Variants in SGO2 observed in about 807,000 individuals in gnomAD.
SGO2 encodes the protein shugoshin-like 2.
SGO2 carries 68 observed loss-of-function variants against 99.5 expected under a neutral mutation model. That is an observed-to-expected ratio of 0.68 (90% CI 0.56 to 0.84). SGO2 has a LOEUF of 0.84. SGO2 is among the 40% of genes least tolerant of loss of function. The pLI is 0.00. For missense variants in SGO2, 1,350 were observed against 1,436.7 expected (o/e 0.94, Z 0.97); for synonymous variants, 457 against 487.1 (o/e 0.94, Z 0.81).
intron 5 of SGO2, among the ~76,000 whole-genome samples, chr2:200,561,192 C>T (rs1165247825): frequency 2.0e-5 from 3 of 152,178 alleles, no homozygotes; most frequent in African/African-American, 7.2e-5. Context: ...TATCCCTCCC[C>T]TCTGCCCCCA....
intron 5 of SGO2, among the ~76,000 whole-genome samples, chr2:200,564,007 C>A (rs1039182852): frequency 6.6e-6 from 1 of 152,112 alleles, no homozygotes; most frequent in Non-Finnish European, 1.5e-5. Context: ...TTCAAAAAAA[C>A]CAGCTCCTGG....
At chr2:200,566,376 C>A (rs1200941403) in intron 5 of SGO2, among the ~76,000 whole-genome samples, 2 of 152,148 alleles carry the variant, frequency 1.3e-5, no homozygotes, top group African/African-American at 4.8e-5. Flanking sequence ...GTGGAGGCTG[C>A]AGAACAGCAA....
intron 4 of SGO2, among the ~76,000 whole-genome samples, chr2:200,541,782 G>A (rs2031974524): frequency 6.6e-6 from 1 of 152,166 alleles, no homozygotes; most frequent in African/African-American, 2.4e-5. Flanking sequence ...ATAGCCTGGT[G>A]AGTGTGGAAG....
intron 4 of SGO2, among the ~76,000 whole-genome samples, chr2:200,538,961 A>T (rs2106310786): frequency 6.6e-6 from 1 of 152,238 alleles, no homozygotes; most frequent in Admixed American, 6.5e-5. Flanking sequence ...TATGCATGGA[A>T]AAAAACATAA....
At chr2:200,550,827 G>GACA (rs1255216248) in intron 5 of SGO2, among the ~76,000 whole-genome samples, 2 of 152,080 alleles carry the variant, frequency 1.3e-5, no homozygotes, top group East Asian at 3.9e-4. Context: ...AGCAAAAATA[G>GACA]ACAACTAAGA....
intron 1 of SGO2, among the ~76,000 whole-genome samples, chr2:200,528,394 A>G (rs2031206948): frequency 6.6e-6 from 1 of 152,218 alleles, no homozygotes; most frequent in Admixed American, 6.5e-5. Flanking sequence ...AGTGGTAAGT[A>G]GCCCAGGTGG....
intron 7 of SGO2, among the ~76,000 whole-genome samples, chr2:200,574,808 A>G (rs985805427): frequency 1.4e-4 from 21 of 152,090 alleles, no homozygotes; most frequent in South Asian, 2.1e-4. Flanking sequence ...TTTTGCCATT[A>G]GAAATTTTGT....
rs866920942 is a variant in SGO2 at position 200,580,858 on chromosome 2, C to A, written c.3783-2591C>A. On this transcript the variant is annotated intron_variant, in intron 8 of 8. Coordinates refer to ENST00000357799, the MANE Select transcript of SGO2 (RefSeq NM_152524.6). ...TAAAAATAAGTAAATAGAACACACA[C>A]AAAAAAATTTTTTTTTAAAGTGTCT... is the stretch of plus-strand genomic sequence containing the variant. Among the ~76,000 whole-genome samples, 10 of 151,992 alleles carry A rather than the reference C, an allele frequency of 6.6e-5. No homozygotes were observed. The East Asian group carries it at 9.6e-4, about 15-fold the overall frequency.
chr2:200,556,515 G>T (rs1424944819), intron 5 of SGO2, among the ~76,000 whole-genome samples: 1 of 152,132 alleles, frequency 6.6e-6, no homozygotes, highest in Non-Finnish European at 1.5e-5. Flanking sequence ...ATCTCCAAAG[G>T]TAGCTCAGAG....
chr2:200,533,782 G>A (rs571747977), intron 2 of SGO2, among the ~76,000 whole-genome samples: 1 of 152,206 alleles, frequency 6.6e-6, no homozygotes, highest in East Asian at 1.9e-4. Context: ...CTCCTGCGAA[G>A]GACAATCACG....
intron 4 of SGO2, among the ~76,000 whole-genome samples, chr2:200,539,982 T>TC (rs1337741874): frequency 6.6e-6 from 1 of 152,190 alleles, no homozygotes; most frequent in African/African-American, 2.4e-5. Flanking sequence ...CCCCTTTTTT[T>TC]CTCGGTTTTG....
chr2:200,527,105 A>T (rs567589294), intron 1 of SGO2, among the ~76,000 whole-genome samples: 1 of 152,360 alleles, frequency 6.6e-6, no homozygotes, highest in South Asian at 2.1e-4. Context: ...ACCCTGGAAC[A>T]GTACCCCAAA....
intron 1 of SGO2, among the ~76,000 whole-genome samples, chr2:200,530,824 TC>T (rs902429946): frequency 7.2e-5 from 11 of 152,208 alleles, no homozygotes; most frequent in Non-Finnish European, 1.6e-4. Context: ...ACAGAAGTCA[TC>T]AGAGATCTTG....
chr2:200,562,396 G>C (rs983895337), intron 5 of SGO2, among the ~76,000 whole-genome samples: 1 of 152,138 alleles, frequency 6.6e-6, no homozygotes, highest in African/African-American at 2.4e-5. Context: ...TGAGGGTTCT[G>C]TTCTGTTCCA....
chr2:200,544,201 A>G (rs1408773765), intron 5 of SGO2, among the ~76,000 whole-genome samples: 1 of 152,158 alleles, frequency 6.6e-6, no homozygotes, highest in Non-Finnish European at 1.5e-5. Context: ...ATTTGTTCTC[A>G]TTGCTGTATA....
chr2:200,580,757 C>T (rs1417494723), intron 8 of SGO2, among the ~76,000 whole-genome samples: 1 of 152,078 alleles, frequency 6.6e-6, no homozygotes, highest in Admixed American at 6.5e-5. Context: ...ATAGTTTGGG[C>T]CTGGTAGGTC....
chr2:200,583,427 T>C, intron 8 of SGO2, 22 bp from the exon 9 acceptor site: 1 of 1,575,576 alleles, frequency 6.3e-7, no homozygotes, highest in Non-Finnish European at 8.6e-7. Context: ...GTTATTAATC[T>C]TCCTTTTTTT....
intron 8 of SGO2, 115 bp downstream of exon 8, chr2:200,575,576 A>G (rs3764778): frequency 0.24 from 166,252 of 700,664 alleles, 20,622 homozygotes; most frequent in East Asian, 0.29. Context: ...TATTATTGAT[A>G]TGTAACAACC....
In SGO2 at chr2:200,572,282, T is replaced by A. The variant is rs2033458373; in HGVS notation, c.1936T>A (p.Phe646Ile). The A allele has an allele frequency of 3.7e-6, 6 of 1,610,240 alleles. No individual in the cohort carries two copies. Among genetic ancestry groups the A allele is most frequent in the Non-Finnish European group, 5.1e-6 (6 of 1,178,952 alleles). Residue 646 changes from phenylalanine to isoleucine, a missense_variant, in exon 7 of 9, where the codon TTT becomes ATT. Coordinates refer to ENST00000357799, the MANE Select transcript of SGO2 (RefSeq NM_152524.6). ...DVVHGLKKGN[F>I]FFKTQEDKEP... ...GGTGCATGGCCTAAAAAAAGGTAAT[T>A]TTTTTTTCAAAACCCAAGAGGATAA...
Sources: gnomAD v4.1 joint callset for allele counts (sites outside exome capture counted in the v4.1 genomes callset) on GRCh38, gnomAD v4.1.1 for gene constraint, MANE v1.5 for transcripts, NCBI Gene and HGNC (gene_info 2026-07-23, HGNC 2026-07-21) for gene names.